Variants in PCNX1 observed in about 807,000 individuals in gnomAD.
The protein encoded by PCNX1 is pecanex-like protein 1.
A neutral mutation model predicts 242.2 loss-of-function variants in PCNX1; 78 were observed. That is an observed-to-expected ratio of 0.32 (90% CI 0.27 to 0.39). The LOEUF (loss-of-function observed/expected upper bound fraction) is 0.39, where lower values mean the gene tolerates loss of function less well. Among genes scored for constraint, PCNX1 ranks in the 10% least tolerant of loss-of-function variants. The pLI is 1.00. For missense variants in PCNX1, 2,581 were observed against 2,856.5 expected, an observed-to-expected ratio of 0.90 and a Z score of 2.20; for synonymous variants, 1,024 against 1,032.9, an observed-to-expected ratio of 0.99 and a Z score of 0.17.
intron 1 of PCNX1, among the ~76,000 whole-genome samples, chr14:70,932,888 A>G (rs2056859454): frequency 6.6e-6 from 1 of 152,194 alleles, no homozygotes; most frequent in Non-Finnish European, 1.5e-5. Context: ...CTGAGATTAC[A>G]GGCTTGAGCC....
chr14:71,088,392 A>T lies in PCNX1; in HGVS notation c.5400A>T (p.Gly1800=). 6.2e-7 allele frequency: 1 copy of T among 1,612,208 alleles called. No individual in the cohort carries two copies. Among genetic ancestry groups the T allele is most frequent in the Non-Finnish European group, 8.5e-7 (1 of 1,178,408 alleles). Residue 1800 remains glycine, a synonymous_variant, in exon 29 of 36, where the codon GGA becomes GGT. Coordinates refer to ENST00000304743, the MANE Select transcript of PCNX1 (RefSeq NM_014982.3). ...TCTGTTATGGACTCTGTGTTCTGGG[A>T]CGGAGAGCTTTGGGGACTGCATCCC... ...VTLCYGLCVL[G]RRALGTASHH...
At chr14:71,031,177 A>T (rs1478695936) in intron 16 of PCNX1, among the ~76,000 whole-genome samples, 5 of 152,234 alleles carry the variant, frequency 3.3e-5, no homozygotes, top group African/African-American at 1.2e-4. Context: ...TCTGCGAATT[A>T]AAATGTGCAA....
At chr14:71,092,094 G>A (rs74060582) in intron 30 of PCNX1, among the ~76,000 whole-genome samples, 4,863 of 152,296 alleles carry the variant, frequency 0.032, 230 homozygotes, top group African/African-American at 0.11. Context: ...GACATTAAAA[G>A]GAAAGGTTGA....
Position 71,102,041 on chromosome 14 carries a change from G to A in PCNX1, c.5641G>A (p.Ala1881Thr). 2 of 1,613,626 alleles carry A rather than the reference G, an allele frequency of 1.2e-6. No homozygotes were observed. Among genetic ancestry groups the A allele is most frequent in the Non-Finnish European group, 1.7e-6 (2 of 1,179,640 alleles). ...TGATGACCCTACTGTGCTCTATGAA[G>A]CCATAGTATCTCATGAGAAGAACCT... ...EYDDPTVLYE[A>T]IVSHEKNLVI... is the part of the protein sequence containing the mutation. The change falls in exon 31 of 36, where the codon GCC (alanine) becomes ACC (threonine). Residue 1881 changes from alanine to threonine, a missense_variant. Physicochemically the swap from Ala to Thr is moderately conservative, Grantham distance 58. Around this residue, in one of 9 missense-constraint regions of PCNX1, gnomAD observed 298 missense variants for 480.1 expected, o/e 0.62. Transcript: ENST00000304743.
At chr14:70,947,218 TG>T in intron 2 of PCNX1, 95 bp downstream of exon 2, 1 of 947,924 alleles carries the variant, frequency 1.1e-6, no homozygotes, top group South Asian at 1.5e-5. Context: ...TTTCTTTATA[TG>T]GTTTTAAGGC....
chr14:71,028,742 G>A lies in PCNX1; in HGVS notation c.3509G>A (p.Ser1170Asn), dbSNP rs751056576. The stretch of plus-strand genomic sequence containing the variant: ...GCAGCACTTTACAGTTTTATCTGTA[G>A]CATTGTTGCAGTAGCCTTATTGTAT... ...LLAALYSFIC[S>N]IVAVALLYGL... The change falls in exon 16 of 36, where the codon AGC becomes AAC. Residue 1170 changes from serine (S) to asparagine (N), a missense_variant. Around this residue, in one of 9 missense-constraint regions of PCNX1, gnomAD observed 432 missense variants for 443.1 expected, o/e 0.97. Coordinates refer to ENST00000304743, the MANE Select transcript of PCNX1 (RefSeq NM_014982.3). 97 of 1,608,182 alleles carry A rather than the reference G, an allele frequency of 6.0e-5. No individual in the cohort carries two copies. Among genetic ancestry groups the A allele is most frequent in the Non-Finnish European group, 7.8e-5 (92 of 1,177,224 alleles).
intron 3 of PCNX1, chr14:70,965,342 T>C (rs1471201210): frequency 6.6e-6 from 1 of 152,126 alleles, no homozygotes; most frequent in East Asian, 1.9e-4. Flanking sequence ...AGGTGTGATA[T>C]AAGTAACCAA....
chr14:70,910,394 C>T, intron 1 of PCNX1, among the ~76,000 whole-genome samples: 1 of 151,666 alleles, frequency 6.6e-6, no homozygotes, highest in Non-Finnish European at 1.5e-5. Flanking sequence ...TGTCATTCTT[C>T]TGCTCTCAGG....
chr14:71,004,991 A>AAGTC (rs1372299014), intron 8 of PCNX1, among the ~76,000 whole-genome samples: 2 of 152,162 alleles, frequency 1.3e-5, no homozygotes, highest in East Asian at 3.9e-4. Flanking sequence ...AAAAAAAGAG[A>AAGTC]AGTCAGTGTA....
chr14:71,007,202 T>TG (rs1239405494), intron 8 of PCNX1, among the ~76,000 whole-genome samples: 2 of 152,072 alleles, frequency 1.3e-5, no homozygotes, highest in Non-Finnish European at 2.9e-5. Flanking sequence ...CTTTTTTTTT[T>TG]GCATTCTTTA....
intron 30 of PCNX1, among the ~76,000 whole-genome samples, chr14:71,096,652 A>G (rs905608460): frequency 6.6e-6 from 1 of 152,196 alleles, no homozygotes; most frequent in African/African-American, 2.4e-5. Flanking sequence ...ATGTGAACGC[A>G]GTATTTAAAA....
At chr14:70,938,904 A>G (rs903055552) in intron 1 of PCNX1, among the ~76,000 whole-genome samples, 5 of 152,118 alleles carry the variant, frequency 3.3e-5, no homozygotes, top group Admixed American at 2.6e-4. Context: ...TAGATTCTCT[A>G]GCTTATTTGC....
rs776881061 is a variant in PCNX1 at position 70,988,579 on chromosome 14, G to A, written c.2324G>A (p.Ser775Asn). 4.3e-6 allele frequency: 7 copies of A among 1,613,950 alleles called. No individual in the cohort carries two copies. The African/African-American group carries it at 9.3e-5, about 22-fold the overall frequency. ...TGTCTTGATGCAGCAGCACAAGCCA[G>A]CGAGGAGGCAGTGTCATTTCGCCGT... is the stretch of plus-strand genomic sequence containing the variant. Reference protein sequence around the residue: ...QDAVSGAAQASEEAVSFRRER... With the variant: ...QDAVSGAAQANEEAVSFRRER... Residue 775 changes from serine (S) to asparagine (N), a missense_variant, in exon 7 of 36, where the codon AGC becomes AAC. Physicochemically the swap from Ser to Asn is conservative, Grantham distance 46. Around this residue, in one of 9 missense-constraint regions of PCNX1, gnomAD observed 1,204 missense variants for 1,216.7 expected, o/e 0.99. Transcript: ENST00000304743.
Position 71,109,021 on chromosome 14 carries a change from A to G in PCNX1, c.6719A>G (p.Lys2240Arg). Reference protein sequence around the residue: ...LSPANNSHSRKAEVIYRVQIV... With the variant: ...LSPANNSHSRRAEVIYRVQIV... ...CCTGCCAACAATTCACACTCCAGAA[A>G]GGCAGAAGTGATTTACAGAGTCCAA... The change falls in exon 34 of 36, where the codon AAG becomes AGG. Residue 2240 changes from lysine (K) to arginine (R), a missense_variant. By Grantham distance (26) the Lys-to-Arg change is conservative (BLOSUM62 2). Transcript: ENST00000304743. 1 of 1,613,270 alleles carries G rather than the reference A, an allele frequency of 6.2e-7. No individual in the cohort carries two copies. Among genetic ancestry groups the G allele is most frequent in the South Asian group, 1.1e-5 (1 of 90,974 alleles).
At chr14:70,985,063 A>T (rs1031316400) in intron 6 of PCNX1, among the ~76,000 whole-genome samples, 2 of 152,226 alleles carry the variant, frequency 1.3e-5, no homozygotes, top group African/African-American at 2.4e-5. Flanking sequence ...CAGCTGTCTA[A>T]AATGTAAGAG....
chr14:70,947,580 C>T (rs1248777536), intron 2 of PCNX1, among the ~76,000 whole-genome samples: 1 of 152,156 alleles, frequency 6.6e-6, no homozygotes. Flanking sequence ...TTTCCTATGC[C>T]TGTCCTTTAA....
chr14:70,915,317 T>C (rs1201694613), intron 1 of PCNX1, among the ~76,000 whole-genome samples: 1 of 152,186 alleles, frequency 6.6e-6, no homozygotes, highest in East Asian at 1.9e-4. Context: ...AATAAGACCA[T>C]GTTTTAATTT....
intron 7 of PCNX1, among the ~76,000 whole-genome samples, chr14:70,990,521 C>T (rs923952996): frequency 3.3e-5 from 5 of 151,294 alleles, no homozygotes; most frequent in East Asian, 3.9e-4. Flanking sequence ...GCCAAGATTG[C>T]GTCACTGCAC....
In PCNX1 at chr14:71,009,873, C is replaced by T. The variant is rs1243876270; in HGVS notation, c.2720+149C>T. ...AAATAAAAATCATAAATATTTATGG[C>T]ATACAACCTGATGTTTTGAAATATC... is the stretch of plus-strand genomic sequence containing the variant. On this transcript the variant is annotated intron_variant, in intron 9 of 35. Coordinates refer to ENST00000304743, the MANE Select transcript of PCNX1 (RefSeq NM_014982.3). The T allele has an allele frequency of 1.7e-5, 8 of 459,708 alleles. No individual in the cohort carries two copies. In the East Asian group the frequency reaches 2.5e-4, roughly 14 times the overall value. The allele number at this position is 459,708 out of a possible 1,614,324, so 28.5% of individuals were successfully genotyped here.
Sources: allele counts gnomAD v4.1 joint callset (sites outside exome capture counted in the v4.1 genomes callset), GRCh38; gene constraint gnomAD v4.1.1; regional missense constraint gnomAD v4.1.1; transcripts MANE v1.5; gene names NCBI Gene and HGNC (gene_info 2026-07-23, HGNC 2026-07-21).